The following AFDN variants were observed in gnomAD, a reference collection of about 807,000 sequenced individuals.
AFDN encodes the protein afadin.
AFDN carries 68 observed loss-of-function variants against 216.6 expected under a neutral mutation model. That is an observed-to-expected ratio of 0.31 (90% CI 0.26 to 0.38). The LOEUF (loss-of-function observed/expected upper bound fraction) is 0.38, where lower values mean the gene tolerates loss of function less well. Ranked by LOEUF, AFDN falls within the 10% of genes least tolerant of loss-of-function variation. AFDN has a pLI of 1.00. For synonymous variants in AFDN, 868 were observed against 853.7 expected (o/e 1.02, Z -0.29); for missense variants, 2,136 against 2,342.0 (o/e 0.91, Z 1.82).
At chr6:167,948,536 TC>T in intron 29 of AFDN, 58 bp downstream of exon 29, 1 of 1,475,626 alleles carries the variant, frequency 6.8e-7, no homozygotes, top group Middle Eastern at 1.9e-4. Context: ...CACACTGAGT[TC>T]TGAGACACAA....
chr6:167,947,097 G>A (rs1365400655), intron 27 of AFDN, among the ~76,000 whole-genome samples, 196 bp downstream of exon 27: 1 of 151,964 alleles, frequency 6.6e-6, no homozygotes, highest in Non-Finnish European at 1.5e-5. Context: ...AGATTCAGTT[G>A]ATCCCATAAG....
chr6:167,935,259 A>G (rs1448212504), intron 23 of AFDN, among the ~76,000 whole-genome samples: 1 of 152,196 alleles, frequency 6.6e-6, no homozygotes. Context: ...TCAAACAGGC[A>G]GTGATCTTTG....
intron 13 of AFDN, 100 bp from the exon 14 acceptor site, chr6:167,911,001 A>G (rs1790311798): frequency 1.2e-5 from 11 of 912,400 alleles, no homozygotes; most frequent in East Asian, 4.8e-5. Flanking sequence ...AAAGATTAGT[A>G]TATAGATTTA....
chr6:167,892,383 G>T (rs1203901305), intron 8 of AFDN, among the ~76,000 whole-genome samples: 2 of 152,202 alleles, frequency 1.3e-5, no homozygotes, highest in African/African-American at 4.8e-5. Context: ...TGGCAACTAT[G>T]AAGCAGCCAT....
At chr6:167,830,872 T>C (rs574558873) in intron 1 of AFDN, among the ~76,000 whole-genome samples, 1 of 151,924 alleles carries the variant, frequency 6.6e-6, no homozygotes, top group Admixed American at 6.6e-5. Flanking sequence ...GCTACATCTA[T>C]ATTCCAGACT....
At chr6:167,896,792 C>T (rs985853615) in intron 9 of AFDN, 86 bp from the exon 10 acceptor site, 3 of 744,884 alleles carry the variant, frequency 4.0e-6, no homozygotes, top group South Asian at 3.6e-5. Context: ...AACTGTAGTG[C>T]CTGAGATAAC....
Position 167,948,080 on chromosome 6 carries a change from C to A in AFDN, c.3645+136C>A, listed in dbSNP as rs1795536583. 4 of 804,492 alleles carry A rather than the reference C, an allele frequency of 5.0e-6. No homozygotes were observed. In the South Asian group the frequency reaches 5.8e-5, roughly 12 times the overall value. The allele number at this position is 804,492 out of a possible 1,614,324, so 49.8% of individuals were successfully genotyped here. ...AATTTCTAAATTTGCAGTGTTTTAT[C>A]TTTTGATTTTTAATATACTAGTCAG... On this transcript the variant is annotated intron_variant, in intron 28 of 33. Coordinates refer to ENST00000683244, the MANE Select transcript of AFDN (RefSeq NM_001386888.1).
Position 167,897,127 on chromosome 6 carries a change from T to G in AFDN, c.1317+155T>G, listed in dbSNP as rs1184972423. 2.0e-5 allele frequency among the ~76,000 whole-genome samples: 3 copies of G among 152,236 alleles called. No homozygotes were observed. The East Asian group carries it at 5.8e-4, about 29-fold the overall frequency. ...TCTACTCTGGGTCACTTTTCTCTGC[T>G]TTAGTGTGGAAACAGCAGAATGTGA... is the stretch of plus-strand genomic sequence containing the variant. On this transcript the variant is annotated intron_variant, in intron 10 of 33. Coordinates refer to ENST00000683244, the MANE Select transcript of AFDN (RefSeq NM_001386888.1).
intron 8 of AFDN, chr6:167,893,618 C>A: frequency 2.2e-6 from 1 of 450,802 alleles, no homozygotes; most frequent in South Asian, 3.0e-5. Context: ...GGTGACTCAC[C>A]TGTTGTCCTG....
chr6:167,956,714 G>A (rs981528013), intron 30 of AFDN, among the ~76,000 whole-genome samples: 7 of 152,090 alleles, frequency 4.6e-5, no homozygotes, highest in African/African-American at 1.4e-4. Flanking sequence ...CTGATGCTTC[G>A]AGTTGCTCAG....
In AFDN at chr6:167,951,754, A is replaced by G. The variant is rs757682512; in HGVS notation, c.4400A>G (p.Gln1467Arg). 17 of 1,614,150 alleles carry G rather than the reference A, an allele frequency of 1.1e-5. No individual in the cohort carries two copies. In the Admixed American group the frequency reaches 1.5e-4, roughly 14 times the overall value. Reference sequence around the variant, plus strand: ...GCTCCGTTTTCTCCCCTGACTGCACAGCAGATGAAGCCCGAAAAGCCTTCC... The same window carrying G: ...GCTCCGTTTTCTCCCCTGACTGCACGGCAGATGAAGCCCGAAAAGCCTTCC... ...NPAPFSPLTA[Q>R]QMKPEKPSTL... Residue 1467 changes from glutamine (Q) to arginine (R), a missense_variant, in exon 30 of 34, where the codon CAG (glutamine) becomes CGG (arginine). Gln to Arg is a conservative substitution (Grantham distance 43). Around this residue, in one of 8 missense-constraint regions of AFDN, gnomAD observed 981 missense variants for 966.0 expected, o/e 1.02. Coordinates refer to ENST00000683244, the MANE Select transcript of AFDN (RefSeq NM_001386888.1). The surrounding 1 kb of genome is among the most constrained non-coding windows in gnomAD (Gnocchi z 7.1).
chr6:167,890,786 C>A, intron 7 of AFDN, 76 bp from the exon 8 acceptor site: 2 of 1,418,118 alleles, frequency 1.4e-6, no homozygotes, highest in Non-Finnish European at 1.9e-6. Flanking sequence ...GAAAGTTTTG[C>A]ACAGTTGACT....
intron 30 of AFDN, among the ~76,000 whole-genome samples, chr6:167,953,178 G>GTTCTTTTTA (rs1440144897): frequency 1.3e-5 from 2 of 152,018 alleles, no homozygotes; most frequent in East Asian, 3.8e-4. Context: ...CCAGAGCCAT[G>GTTCTTTTTA]TTCTTTTTAT....
At chr6:167,966,552 T>C (rs1224740446) in intron 32 of AFDN, among the ~76,000 whole-genome samples, 3 of 152,234 alleles carry the variant, frequency 2.0e-5, no homozygotes, top group African/African-American at 7.2e-5. Flanking sequence ...TCTCTGTTGT[T>C]CCCAAATCAC....
chr6:167,890,010 CTTA>C (rs1454517334), intron 7 of AFDN, among the ~76,000 whole-genome samples: 4 of 152,144 alleles, frequency 2.6e-5, no homozygotes, highest in African/African-American at 7.2e-5. Context: ...ACAATTTTCC[CTTA>C]TTATTTCAAA....
At chr6:167,837,178 A>G (rs1006348702) in intron 1 of AFDN, among the ~76,000 whole-genome samples, 3 of 152,198 alleles carry the variant, frequency 2.0e-5, no homozygotes, top group Non-Finnish European at 4.4e-5. Flanking sequence ...GATATGGCTT[A>G]TTTTTAAAGT....
chr6:167,835,184 G>GT (rs1205578933), intron 1 of AFDN, among the ~76,000 whole-genome samples: 1 of 152,168 alleles, frequency 6.6e-6, no homozygotes, highest in Admixed American at 6.5e-5. Flanking sequence ...CAGAAAAATT[G>GT]TAAGTATAGG....
chr6:167,896,310 A>G (rs945710051), intron 9 of AFDN, among the ~76,000 whole-genome samples: 7 of 152,030 alleles, frequency 4.6e-5, no homozygotes, highest in South Asian at 2.1e-4. Context: ...GTAATTCTTG[A>G]TCAGTAATGG....
chr6:167,915,529 A>G, intron 19 of AFDN, 96 bp downstream of exon 19: 1 of 1,408,456 alleles, frequency 7.1e-7, no homozygotes, highest in Non-Finnish European at 9.5e-7. Context: ...AAACCTCAAT[A>G]CCCTCTTTTT....
Sources: allele counts gnomAD v4.1 joint callset (sites outside exome capture counted in the v4.1 genomes callset), GRCh38; gene constraint gnomAD v4.1.1; regional missense constraint gnomAD v4.1.1; non-coding constraint Gnocchi (gnomAD v3.1); transcripts MANE v1.5; gene names NCBI Gene and HGNC (gene_info 2026-07-23, HGNC 2026-07-21).